Variants in ADGRB3 observed in about 807,000 individuals in gnomAD.
The protein encoded by ADGRB3 is brain-specific angiogenesis inhibitor 3.
A neutral mutation model predicts 193.4 loss-of-function variants in ADGRB3; 37 were observed. That is an observed-to-expected ratio of 0.19 (90% CI 0.15 to 0.25). The LOEUF is 0.25. ADGRB3 is among the 10% of genes least tolerant of loss of function. ADGRB3 has a pLI of 1.00. For missense variants in ADGRB3, 1,637 were observed against 1,852.9 expected (o/e 0.88, Z 2.14); for synonymous variants, 690 against 644.2 (o/e 1.07, Z -1.08).
chr6:69,126,467 G>A (rs1198328110), intron 17 of ADGRB3, among the ~76,000 whole-genome samples: 3 of 152,152 alleles, frequency 2.0e-5, no homozygotes, highest in African/African-American at 7.2e-5. Context: ...CTATGAACCT[G>A]GCAGGCTGCT....
intron 10 of ADGRB3, among the ~76,000 whole-genome samples, chr6:68,990,085 A>G (rs1324941900): frequency 1.3e-5 from 2 of 152,140 alleles, no homozygotes; most frequent in Admixed American, 1.3e-4. Flanking sequence ...GAAACAAGGA[A>G]GAGGTAAGAT....
In ADGRB3 at chr6:69,024,429, A is replaced by G. The variant is rs561863724; in HGVS notation, c.2107+5930A>G. ...TGTTCAAGCTCTTTATGTGGTTTCA[A>G]TGGATTACACCCATAAAATTTTGAT... On this transcript the variant is annotated intron_variant, in intron 13 of 31. Coordinates refer to ENST00000370598, the MANE Select transcript of ADGRB3 (RefSeq NM_001704.3). Among the ~76,000 whole-genome samples, 7 of 152,304 alleles carry G rather than the reference A, an allele frequency of 4.6e-5. No homozygotes were observed. The East Asian group carries it at 9.6e-4, about 21-fold the overall frequency.
chr6:68,889,802 T>G (rs2150228562), intron 3 of ADGRB3, among the ~76,000 whole-genome samples: 2 of 152,246 alleles, frequency 1.3e-5, no homozygotes, highest in Admixed American at 1.3e-4. Flanking sequence ...ATGCCTGGCC[T>G]AAGTAAATAT....
intron 3 of ADGRB3, among the ~76,000 whole-genome samples, chr6:68,839,941 A>T (rs747436734): frequency 1.3e-5 from 2 of 152,222 alleles, no homozygotes; most frequent in South Asian, 2.1e-4. Flanking sequence ...ATTAAAGCTT[A>T]GTCCTTTCCT....
intron 20 of ADGRB3, among the ~76,000 whole-genome samples, chr6:69,324,296 A>G (rs1046489089): frequency 6.6e-6 from 1 of 152,190 alleles, no homozygotes; most frequent in African/African-American, 2.4e-5. Context: ...TAAGTACTTT[A>G]AAATACATAT....
rs1771990638 is a variant in ADGRB3 at position 69,068,916 on chromosome 6, G to T, written c.2436+5880G>T. ...ACTTCAGTGGCCTTCATGTAATTCT[G>T]CTTTAGCTAAAGCCAATTTTTTTTT... On this transcript the variant is annotated intron_variant, in intron 16 of 31. Transcript: ENST00000370598. 2.6e-5 allele frequency among the ~76,000 whole-genome samples: 4 copies of T among 152,124 alleles called. No individual in the cohort carries two copies. The South Asian group carries it at 6.2e-4, about 24-fold the overall frequency.
intron 10 of ADGRB3, among the ~76,000 whole-genome samples, chr6:68,983,598 T>C (rs1030702375): frequency 6.6e-6 from 1 of 151,798 alleles, no homozygotes; most frequent in African/African-American, 2.4e-5. Context: ...CATTTATGTA[T>C]CCATTCATCT....
At chr6:69,208,598 G>T (rs1393684885) in intron 17 of ADGRB3, among the ~76,000 whole-genome samples, 1 of 152,196 alleles carries the variant, frequency 6.6e-6, no homozygotes, top group Non-Finnish European at 1.5e-5. Flanking sequence ...GGTGGTGCCT[G>T]CATATCGTGC....
chr6:68,810,524 A>G (rs1767490767), intron 3 of ADGRB3, among the ~76,000 whole-genome samples: 1 of 152,212 alleles, frequency 6.6e-6, no homozygotes, highest in Admixed American at 6.5e-5. Context: ...TCTAGTCAGC[A>G]ATGTCAGTAA....
chr6:68,711,402 G>A (rs1021077312), intron 3 of ADGRB3, among the ~76,000 whole-genome samples: 6 of 151,926 alleles, frequency 3.9e-5, no homozygotes, highest in African/African-American at 7.3e-5. Context: ...CAGAATTTAC[G>A]AACTTAGCAA....
intron 20 of ADGRB3, among the ~76,000 whole-genome samples, chr6:69,279,526 AT>A (rs1319215063): frequency 2.0e-5 from 3 of 151,896 alleles, no homozygotes; most frequent in African/African-American, 7.3e-5. Context: ...TACATTTAAA[AT>A]TTTACTTCAG....
At position 68,950,135 on chromosome 6, in the gene ADGRB3, A is replaced by G. The variant is rs142535034; in HGVS notation, c.1196-5889A>G. On this transcript the variant is annotated intron_variant, in intron 6 of 31. Transcript: ENST00000370598. The stretch of plus-strand genomic sequence containing the variant: ...CAGTGGCATGATTTTATCTCATTGT[A>G]CCTGGGAATCCTGGGCTCAAGCATC... Among the ~76,000 whole-genome samples, 685 of 152,012 alleles carry G rather than the reference A, an allele frequency of 4.5e-3. 15 individuals are homozygous for G. The highest frequency in any genetic ancestry group is 0.02 in the South Asian group (97 of 4,806).
intron 3 of ADGRB3, among the ~76,000 whole-genome samples, chr6:68,920,709 A>G (rs1241254931): frequency 6.6e-6 from 1 of 152,080 alleles, no homozygotes; most frequent in East Asian, 1.9e-4. Context: ...AGGGTGAGGT[A>G]AATCAACTTT....
At chr6:68,779,575 C>T (rs1766816004) in intron 3 of ADGRB3, among the ~76,000 whole-genome samples, 2 of 152,090 alleles carry the variant, frequency 1.3e-5, no homozygotes, top group South Asian at 4.1e-4. Flanking sequence ...GAAGGCAGGT[C>T]TTAGTAGTAT....
At chr6:69,057,318 G>T (rs182846151) in intron 15 of ADGRB3, among the ~76,000 whole-genome samples, 1 of 151,906 alleles carries the variant, frequency 6.6e-6, no homozygotes, top group African/African-American at 2.4e-5. Context: ...AATCTTTAGG[G>T]TTTACTACAT....
At position 69,366,592 on chromosome 6, in the gene ADGRB3, T is replaced by C. The variant is rs1389939982; in HGVS notation, c.4239+5080T>C. Among the ~76,000 whole-genome samples, 9 of 152,236 alleles carry C rather than the reference T, an allele frequency of 5.9e-5. No homozygotes were observed. In the East Asian group the frequency reaches 1.5e-3, roughly 26 times the overall value. The stretch of plus-strand genomic sequence containing the variant: ...TAGCTTCATACTGTTGTACATTTTC[T>C]CACTTTTAAATCATCGTAAAGAATT... On this transcript the variant is annotated intron_variant, in intron 29 of 31. Transcript: ENST00000370598.
chr6:69,317,340 T>C (rs1246865259), intron 20 of ADGRB3, among the ~76,000 whole-genome samples: 1 of 151,360 alleles, frequency 6.6e-6, no homozygotes, highest in Non-Finnish European at 1.5e-5. Context: ...GAGGGTCTTA[T>C]GGTTTAATAC....
At chr6:69,203,166 G>A (rs1765466941) in intron 17 of ADGRB3, among the ~76,000 whole-genome samples, 1 of 152,072 alleles carries the variant, frequency 6.6e-6, no homozygotes, top group East Asian at 1.9e-4. Context: ...TTTGAAATTA[G>A]CACAGCATAA....
intron 3 of ADGRB3, among the ~76,000 whole-genome samples, chr6:68,819,616 A>G (rs1311421851): frequency 6.6e-6 from 1 of 152,016 alleles, no homozygotes. Flanking sequence ...TGGAAGTACC[A>G]GTGCACACCT....
Sources: allele counts gnomAD v4.1 joint callset (sites outside exome capture counted in the v4.1 genomes callset), GRCh38; gene constraint gnomAD v4.1.1; transcripts MANE v1.5; gene names NCBI Gene and HGNC (gene_info 2026-07-23, HGNC 2026-07-21).